Variants in MAK observed in about 807,000 individuals in gnomAD.
The protein encoded by MAK is male germ cell associated kinase.
In MAK, 65 loss-of-function variants were observed where a neutral mutation model predicts 82.6. That is an observed-to-expected ratio of 0.79 (90% confidence interval 0.64 to 0.97). The LOEUF (loss-of-function observed/expected upper bound fraction) is 0.97, where lower values mean the gene tolerates loss of function less well. MAK is among the 50% of genes least tolerant of loss of function. The pLI is 0.00. For missense variants in MAK, 703 were observed against 780.2 expected (o/e 0.90, Z 1.18); for synonymous variants, 250 against 274.2 (o/e 0.91, Z 0.87).
chr6:10,780,081 C>A (rs1447861001), intron 11 of MAK, among the ~76,000 whole-genome samples: 1 of 152,144 alleles, frequency 6.6e-6, no homozygotes, highest in Non-Finnish European at 1.5e-5. Flanking sequence ...CTGAACTGAG[C>A]CTGATTCTAG....
At chr6:10,816,633 T>A (rs1354017084) in intron 4 of MAK, among the ~76,000 whole-genome samples, 2 of 152,156 alleles carry the variant, frequency 1.3e-5, no homozygotes, top group African/African-American at 2.4e-5. Flanking sequence ...GGAATGAAAG[T>A]CACATACACA....
intron 1 of MAK, among the ~76,000 whole-genome samples, chr6:10,834,992 C>T (rs1011870783): frequency 6.6e-6 from 1 of 152,178 alleles, no homozygotes; most frequent in Admixed American, 6.5e-5. Flanking sequence ...ATTTATTCAG[C>T]ACAGATTTAA....
chr6:10,764,694 G>T, intron 14 of MAK, 88 bp from the exon 15 acceptor site: 2 of 1,233,412 alleles, frequency 1.6e-6, no homozygotes, highest in Non-Finnish European at 2.4e-6. Context: ...ATTTGATGGG[G>T]AAAATCTGAA....
At chr6:10,781,739 A>G (rs1298535938) in intron 11 of MAK, among the ~76,000 whole-genome samples, 1 of 152,094 alleles carries the variant, frequency 6.6e-6, no homozygotes, top group African/African-American at 2.4e-5. Context: ...AACTATTTTA[A>G]TAAGATACTT....
chr6:10,811,119 G>A (rs555504253), intron 5 of MAK, among the ~76,000 whole-genome samples: 29 of 152,156 alleles, frequency 1.9e-4, no homozygotes, highest in Non-Finnish European at 2.8e-4. Flanking sequence ...CTGCCTCAGC[G>A]TCCCAAGTAG....
chr6:10,773,552 C>T (rs528113552), intron 12 of MAK, among the ~76,000 whole-genome samples: 3 of 152,204 alleles, frequency 2.0e-5, no homozygotes, highest in African/African-American at 7.2e-5. Context: ...ATATCACCTA[C>T]ATTAAAAAAC....
At chr6:10,781,073 C>T (rs1339513471) in intron 11 of MAK, among the ~76,000 whole-genome samples, 1 of 152,186 alleles carries the variant, frequency 6.6e-6, no homozygotes, top group Non-Finnish European at 1.5e-5. Context: ...AGTTCCTCCT[C>T]TGTAAGGGAT....
In MAK at chr6:10,805,215, T is replaced by C. The variant is rs573612842; in HGVS notation, c.492-1324A>G. ...TAACTTGGCGAATAATTATCTTCCT[T>C]GTTTTTATTAATGTTTCTCAAATGT... On this transcript the variant is annotated intron_variant, in intron 6 of 14. Coordinates refer to ENST00000354489, the MANE Select transcript of MAK (RefSeq NM_001242957.3). 3.9e-5 allele frequency among the ~76,000 whole-genome samples: 6 copies of C among 152,378 alleles called. No individual in the cohort carries two copies. In the East Asian group the frequency reaches 7.7e-4, roughly 20 times the overall value.
chr6:10,834,779 AATTATTATT>A (rs151044006), intron 1 of MAK, among the ~76,000 whole-genome samples: 1 of 151,586 alleles, frequency 6.6e-6, no homozygotes, highest in Non-Finnish European at 1.5e-5. Flanking sequence ...CTCTCATGAA[AATTATTATT>A]ATTATTATTA....
Position 10,788,432 on chromosome 6 carries a change from T to TA in MAK, c.1316+3242dup, listed in dbSNP as rs750638154. Among the ~76,000 whole-genome samples the TA allele has an allele frequency of 3.3e-5, 5 of 152,074 alleles. No homozygotes were observed. In the East Asian group the frequency reaches 9.6e-4, roughly 29 times the overall value. On this transcript the variant is annotated intron_variant, in intron 10 of 14. Coordinates refer to ENST00000354489, the MANE Select transcript of MAK (RefSeq NM_001242957.3). ...GCTGAAATCAGAATGACATGGGTTTTAAAAAATGTTTTCAAGTCGCCAGGT... is the reference window on the plus strand; with the variant it reads ...GCTGAAATCAGAATGACATGGGTTTTAAAAAAATGTTTTCAAGTCGCCAGGT...
chr6:10,767,285 G>A (rs969608604), intron 14 of MAK, among the ~76,000 whole-genome samples: 4 of 152,076 alleles, frequency 2.6e-5, no homozygotes, highest in Non-Finnish European at 2.9e-5. Flanking sequence ...TGTGAGATGC[G>A]GATCATAATA....
At chr6:10,791,013 A>G (rs920809952) in intron 10 of MAK, among the ~76,000 whole-genome samples, 1 of 152,116 alleles carries the variant, frequency 6.6e-6, no homozygotes, top group Non-Finnish European at 1.5e-5. Context: ...CATTATTCTA[A>G]GTTTCCAAAA....
intron 6 of MAK, among the ~76,000 whole-genome samples, chr6:10,808,199 T>C (rs1051989757): frequency 1.3e-5 from 2 of 152,216 alleles, no homozygotes; most frequent in African/African-American, 4.8e-5. Flanking sequence ...TTTTCTCTTT[T>C]TTTGTACTTT....
chr6:10,770,850 G>A (rs1772944617), intron 13 of MAK, among the ~76,000 whole-genome samples: 1 of 152,138 alleles, frequency 6.6e-6, no homozygotes, highest in Non-Finnish European at 1.5e-5. Flanking sequence ...GGAGACCAGT[G>A]AGGAAGTCAC....
chr6:10,767,215 T>G (rs546676103), intron 14 of MAK, among the ~76,000 whole-genome samples: 1 of 152,340 alleles, frequency 6.6e-6, no homozygotes, highest in East Asian at 1.9e-4. Flanking sequence ...GAAGTTTGCC[T>G]CTAGTTATGG....
chr6:10,794,210 T>G (rs1775318639), intron 9 of MAK, among the ~76,000 whole-genome samples: 1 of 152,178 alleles, frequency 6.6e-6, no homozygotes, highest in South Asian at 2.1e-4. Context: ...TATTCAGAAC[T>G]GTTCCAAAGA....
At chr6:10,814,244 C>T (rs1328823689) in intron 4 of MAK, among the ~76,000 whole-genome samples, 5 of 151,986 alleles carry the variant, frequency 3.3e-5, no homozygotes, top group Non-Finnish European at 5.9e-5. Flanking sequence ...GCTGGGATTA[C>T]GGGCATGAGC....
At chr6:10,789,307 T>G (rs1349717900) in intron 10 of MAK, among the ~76,000 whole-genome samples, 1 of 152,194 alleles carries the variant, frequency 6.6e-6, no homozygotes, top group Non-Finnish European at 1.5e-5. Context: ...CTTCCTATTC[T>G]TCTGTTTCAA....
chr6:10,826,129 C>A (rs1010092009), intron 2 of MAK, among the ~76,000 whole-genome samples: 4 of 152,194 alleles, frequency 2.6e-5, no homozygotes, highest in African/African-American at 9.7e-5. Context: ...GTAATCCACG[C>A]TCCAGCCACC....
Sources: gnomAD v4.1 joint callset for allele counts (sites outside exome capture counted in the v4.1 genomes callset) on GRCh38, gnomAD v4.1.1 for gene constraint, MANE v1.5 for transcripts, NCBI Gene and HGNC (gene_info 2026-07-23, HGNC 2026-07-21) for gene names.